The following DAPK2 variants were observed in gnomAD, a reference collection of about 807,000 sequenced individuals.
DAPK2 encodes the protein death-associated protein kinase 2.
In DAPK2, 35 loss-of-function variants were observed where a neutral mutation model predicts 44.1. That is an observed-to-expected ratio of 0.79 (90% CI 0.61 to 1.05). The LOEUF is 1.05. Among genes scored for constraint, DAPK2 ranks in the 50% least tolerant of loss-of-function variants. The pLI is 0.00. For missense variants in DAPK2, 453 were observed against 483.2 expected (o/e 0.94, Z 0.59); for synonymous variants, 174 against 182.6 (o/e 0.95, Z 0.38).
At chr15:63,942,137 G>T in intron 3 of DAPK2, 1 of 859,922 alleles carries the variant, frequency 1.2e-6, no homozygotes, top group Non-Finnish European at 1.4e-6. Flanking sequence ...TGGAGCAGTA[G>T]GGATGAGGTG....
At chr15:63,955,240 A>T (rs912440189) in intron 3 of DAPK2, among the ~76,000 whole-genome samples, 1 of 152,194 alleles carries the variant, frequency 6.6e-6, no homozygotes, top group Non-Finnish European at 1.5e-5. Flanking sequence ...ATTTTAGAGG[A>T]AAGGCTTTCA....
At position 63,923,102 on chromosome 15, in the gene DAPK2, A is replaced by C; in HGVS notation, c.858+1714T>G. 1.3e-6 allele frequency: 2 copies of C among 1,535,898 alleles called. No homozygotes were observed. Among genetic ancestry groups the C allele is most frequent in the South Asian group, 2.4e-5 (2 of 84,054 alleles). ...TCGGTACCAAGCTTCCTTCTCATTG[A>C]AGATGGAGACCAGGGCCTCCACATC... On this transcript the variant is annotated intron_variant, in intron 8 of 10. Coordinates refer to ENST00000261891, the Ensembl canonical transcript of DAPK2. The surrounding 1 kb of genome is among the most constrained non-coding windows in gnomAD (Gnocchi z 4.2).
rs185794042 is a variant in DAPK2 at position 64,023,921 on chromosome 15, C to T, written c.92+16249G>A. 1.3e-3 allele frequency among the ~76,000 whole-genome samples: 202 copies of T among 152,262 alleles called. 1 individual carries two copies. The highest frequency in any genetic ancestry group is 4.4e-3 in the African/African-American group (183 of 41,554). ...TTGTTTAAGAAAAACTTTAAAGGAC[C>T]TTTGGTTCTGCAAAAGAGAGGCCTG... is the stretch of plus-strand genomic sequence containing the variant. On this transcript the variant is annotated intron_variant, in intron 1 of 10. Coordinates refer to ENST00000261891, the Ensembl canonical transcript of DAPK2.
chr15:63,971,328 C>T (rs1595826602), intron 3 of DAPK2, 95 bp downstream of exon 4: 8 of 1,419,390 alleles, frequency 5.6e-6, no homozygotes, highest in Admixed American at 2.1e-5. Flanking sequence ...GAAAGAAGGG[C>T]TGGTCGGCAC....
exon 10 of DAPK2, chr15:63,911,963 T>C (rs1169093593): frequency 6.2e-7 from 1 of 1,613,946 alleles, no homozygotes; most frequent in South Asian, 1.1e-5. Context: ...GGTGAGGTGG[T>C]TGCACAGGGA....
At chr15:63,967,823 A>G (rs1466024972) in intron 3 of DAPK2, among the ~76,000 whole-genome samples, 5 of 152,204 alleles carry the variant, frequency 3.3e-5, no homozygotes, top group Admixed American at 3.3e-4. Flanking sequence ...ACCAGCCTGA[A>G]GAGAGGTTGT....
chr15:63,960,857 T>G (rs2077879821), intron 3 of DAPK2, among the ~76,000 whole-genome samples: 1 of 151,930 alleles, frequency 6.6e-6, no homozygotes, highest in Non-Finnish European at 1.5e-5. Context: ...TAGATGTCTA[T>G]TAGGTCTGAT....
At chr15:63,928,378 G>A (rs895139255) in intron 6 of DAPK2, 2 of 152,194 alleles carry the variant, frequency 1.3e-5, no homozygotes, top group Non-Finnish European at 2.9e-5. Flanking sequence ...ATCATTGAGA[G>A]AATAATCCTC....
At chr15:64,023,745 C>G (rs2141097167) in intron 1 of DAPK2, among the ~76,000 whole-genome samples, 2 of 152,252 alleles carry the variant, frequency 1.3e-5, no homozygotes, top group South Asian at 4.1e-4. Flanking sequence ...CTATCTACGG[C>G]CATTTGCTGG....
Position 64,046,084 on chromosome 15 carries a change from G to A in DAPK2, c.-7+214C>T, listed in dbSNP as rs763196626. ...CTCCCAGGTCAAAGTGCCAGGCTCCGGAGGGCGCCCCAGGGCAGCGGCGGG... is the reference window on the plus strand; with the variant it reads ...CTCCCAGGTCAAAGTGCCAGGCTCCAGAGGGCGCCCCAGGGCAGCGGCGGG... On this transcript the variant is annotated intron_variant, in intron 1 of 11. Transcript: ENST00000457488. The surrounding 1 kb of genome is among the most constrained non-coding windows in gnomAD (Gnocchi z 5.3). 1.3e-5 allele frequency among the ~76,000 whole-genome samples: 2 copies of A among 152,160 alleles called. No individual in the cohort carries two copies. Among genetic ancestry groups the A allele is most frequent in the Non-Finnish European group, 2.9e-5 (2 of 68,020 alleles).
intron 2 of DAPK2, among the ~76,000 whole-genome samples, 159 bp from the exon 4 acceptor site, chr15:63,971,720 A>C (rs1238625950): frequency 2.0e-5 from 3 of 152,218 alleles, no homozygotes; most frequent in Admixed American, 1.3e-4. Flanking sequence ...GTCCAGTGCC[A>C]GGGACTGACT....
intron 1 of DAPK2, among the ~76,000 whole-genome samples, chr15:64,030,776 T>C (rs957443408): frequency 5.3e-5 from 8 of 152,110 alleles, no homozygotes; most frequent in South Asian, 2.1e-4. Flanking sequence ...AAGATCAGCC[T>C]GGGCAATACA....
At position 63,916,837 on chromosome 15, in the gene DAPK2, G is replaced by T. The variant is rs1346718262; in HGVS notation, c.859-4640C>A. 1.3e-5 allele frequency: 2 copies of T among 152,214 alleles called. No individual in the cohort carries two copies. The highest frequency in any genetic ancestry group is 2.9e-5 in the Non-Finnish European group (2 of 68,030). 9.4% of individuals were successfully genotyped at this position (152,214 alleles called of 1,614,324 possible). A position where few individuals can be genotyped will look rare whatever the true frequency, so the allele number is the denominator to read the frequency against. On this transcript the variant is annotated intron_variant, in intron 8 of 10. Transcript: ENST00000261891. This position sits in a 1 kb window ranked among gnomAD's most constrained non-coding sequence, Gnocchi z 4.7. ...TTTCTGAGCAATTTTTTGTCCCCAG[G>T]AAAAGCTTCAAAGGTTCTTCCTTTT...
intron 3 of DAPK2, among the ~76,000 whole-genome samples, chr15:63,957,805 C>T (rs563807201): frequency 2.3e-4 from 35 of 152,000 alleles, no homozygotes; most frequent in Admixed American, 1.4e-3. Flanking sequence ...TGAATAGTGC[C>T]GCAATAAACA....
chr15:63,934,787 G>C (rs539932137), intron 4 of DAPK2, among the ~76,000 whole-genome samples: 58 of 152,130 alleles, frequency 3.8e-4, no homozygotes, highest in Non-Finnish European at 6.0e-4. Flanking sequence ...TCAAACTCCT[G>C]GCCTCAAGTG....
intron 1 of DAPK2, among the ~76,000 whole-genome samples, chr15:64,033,695 T>G (rs1595918618): frequency 6.6e-6 from 1 of 151,822 alleles, no homozygotes; most frequent in Non-Finnish European, 1.5e-5. Context: ...GATCACGAGG[T>G]CAGGAGATGG....
chr15:64,043,859 C>T (rs763521825), upstream of DAPK2, among the ~76,000 whole-genome samples: 11 of 152,264 alleles, frequency 7.2e-5, no homozygotes, highest in Non-Finnish European at 1.6e-4. Flanking sequence ...TACCTCTGTC[C>T]CCTTGTCGTA....
At chr15:64,030,127 T>TA (rs1210293832) in intron 1 of DAPK2, 4 of 152,182 alleles carry the variant, frequency 2.6e-5, no homozygotes, top group Non-Finnish European at 5.9e-5. Context: ...CGGTCTCTAT[T>TA]AAAAAATACA....
rs534062545 is a variant in DAPK2, at chr15:63,968,816, C to T, written c.453+2607G>A. On this transcript the variant is annotated intron_variant, in intron 3 of 10. Transcript: ENST00000261891. ...TGCCATAAAGGCAAGCCAAACATCACGAACCTGCTGCAGTCATTGGTGCCT... is the reference window on the plus strand; with the variant it reads ...TGCCATAAAGGCAAGCCAAACATCATGAACCTGCTGCAGTCATTGGTGCCT... 5.3e-5 allele frequency among the ~76,000 whole-genome samples: 8 copies of T among 152,336 alleles called. No homozygotes were observed. The East Asian group carries it at 1.2e-3, about 22-fold the overall frequency.
Sources: gnomAD v4.1 joint callset for allele counts (sites outside exome capture counted in the v4.1 genomes callset) on GRCh38, gnomAD v4.1.1 for gene constraint, Gnocchi (gnomAD v3.1) non-coding constraint, MANE v1.5 for transcripts, NCBI Gene and HGNC (gene_info 2026-07-23, HGNC 2026-07-21) for gene names.